MOB3B: variants seen among roughly 807,000 people sequenced by gnomAD.
The protein encoded by MOB3B is MOB kinase activator 3B, also known as MOB kinase activator-like 2B.
In MOB3B, 7 loss-of-function variants were observed where a neutral mutation model predicts 18.7. That is an observed-to-expected ratio of 0.37 (90% CI 0.21 to 0.70). The LOEUF (loss-of-function observed/expected upper bound fraction) is 0.70, where lower values mean the gene tolerates loss of function less well. MOB3B is among the 30% of genes least tolerant of loss of function. The pLI, the probability that MOB3B is intolerant of heterozygous loss-of-function variation, is 0.52. For synonymous variants in MOB3B, 111 were observed against 99.9 expected (o/e 1.11, Z -0.66); for missense variants, 253 against 281.3 (o/e 0.90, Z 0.72).
chr9:27,516,163 A>C (rs796490), intron 1 of MOB3B, among the ~76,000 whole-genome samples: 142,379 of 152,274 alleles, frequency 0.94, 67,109 homozygotes, highest in East Asian at 1. Flanking sequence ...AAGCATTATC[A>C]TGATGGCACT....
intron 1 of MOB3B, among the ~76,000 whole-genome samples, chr9:27,463,148 A>G (rs1030307974): frequency 6.6e-6 from 1 of 152,332 alleles, no homozygotes; most frequent in Middle Eastern, 3.4e-3. Flanking sequence ...TTTACTAGAG[A>G]GTCAGATTCT....
intron 2 of MOB3B, among the ~76,000 whole-genome samples, chr9:27,394,497 C>T (rs1821773806): frequency 1.3e-5 from 2 of 152,102 alleles, no homozygotes; most frequent in African/African-American, 4.8e-5. Flanking sequence ...AGAAGCAATC[C>T]CAAATGAGCT....
chr9:27,411,343 CTA>C (rs1822064499), intron 2 of MOB3B, among the ~76,000 whole-genome samples: 1 of 152,202 alleles, frequency 6.6e-6, no homozygotes, highest in African/African-American at 2.4e-5. Context: ...GAAGGAACAT[CTA>C]GCAGGTGAAT....
Position 27,326,207 on chromosome 9 carries a change from CAG to C in MOB3B, c.*4378_*4379del, listed in dbSNP as rs751241263. ...TGTTCACTGCTGGTCACAGCCATAA[CAG>C]AGAGTGATGTGGAGAGCTTTGGGAA... is the stretch of plus-strand genomic sequence containing the variant. On this transcript the variant is annotated 3_prime_UTR_variant, in exon 4 of 4. Transcript: ENST00000262244. The C allele has an allele frequency of 5.6e-6, 2 of 360,148 alleles. No homozygotes were observed. The highest frequency in any genetic ancestry group is 8.0e-5 in the East Asian group (2 of 24,876). 22.3% of individuals were successfully genotyped at this position (360,148 alleles called of 1,614,324 possible).
chr9:27,385,910 G>A (rs1381742366), intron 2 of MOB3B, among the ~76,000 whole-genome samples: 6 of 152,202 alleles, frequency 3.9e-5, no homozygotes, highest in African/African-American at 1.4e-4. Flanking sequence ...CTCAATGAAG[G>A]GTGCCTCCAG....
Position 27,326,607 on chromosome 9 carries a change from TG to T in MOB3B, c.*3979del, listed in dbSNP as rs1820715423. ...TAGATTTTTTCACCAAGGAAGTTACTGGCATGGTTTGAGAGATAGAAGGAAT... is the reference window on the plus strand; with the variant it reads ...TAGATTTTTTCACCAAGGAAGTTACTGCATGGTTTGAGAGATAGAAGGAAT... On this transcript the variant is annotated 3_prime_UTR_variant, in exon 4 of 4. Coordinates refer to ENST00000262244, the MANE Select transcript of MOB3B (RefSeq NM_024761.5). 1 of 398,406 alleles carries T rather than the reference TG, an allele frequency of 2.5e-6. No individual in the cohort carries two copies. Among genetic ancestry groups the T allele is most frequent in the Admixed American group, 4.4e-5 (1 of 22,712 alleles). 24.7% of individuals were successfully genotyped at this position (398,406 alleles called of 1,614,324 possible).
At chr9:27,510,949 G>T (rs1162668084) in intron 1 of MOB3B, among the ~76,000 whole-genome samples, 2 of 152,118 alleles carry the variant, frequency 1.3e-5, no homozygotes, top group Non-Finnish European at 2.9e-5. Context: ...ACAGAAGTCA[G>T]AAATGAATTC....
chr9:27,463,699 G>A (rs980856129), intron 1 of MOB3B, among the ~76,000 whole-genome samples: 6 of 151,902 alleles, frequency 3.9e-5, no homozygotes, highest in Non-Finnish European at 7.4e-5. Flanking sequence ...AGTGACTCAC[G>A]TCTGTAATCC....
chr9:27,337,657 G>A (rs1187047896), intron 3 of MOB3B, among the ~76,000 whole-genome samples: 7 of 152,224 alleles, frequency 4.6e-5, no homozygotes, highest in Non-Finnish European at 5.9e-5. Flanking sequence ...GCTGGCATCA[G>A]CAAGGGATTC....
intron 1 of MOB3B, among the ~76,000 whole-genome samples, chr9:27,459,876 CAAAAAAAAAAA>C (rs35792761): frequency 5.8e-5 from 5 of 86,742 alleles, no homozygotes; most frequent in Admixed American, 1.3e-4. Context: ...TTTCAGTCTC[CAAAAAAAAAAA>C]AAAAAAAAAA....
At chr9:27,448,112 G>T (rs756916229) in intron 2 of MOB3B, among the ~76,000 whole-genome samples, 1 of 152,138 alleles carries the variant, frequency 6.6e-6, no homozygotes, top group African/African-American at 2.4e-5. Context: ...TGACTCTGGG[G>T]TAAGAACACC....
Position 27,328,308 on chromosome 9 carries a change from A to C in MOB3B, c.*2279T>G, listed in dbSNP as rs2131325958. The C allele has an allele frequency of 6.6e-6, 1 of 152,210 alleles. No individual in the cohort carries two copies. The highest frequency in any genetic ancestry group is 1.9e-4 in the East Asian group (1 of 5,180). The allele number at this position is 152,210 out of a possible 1,614,324, so 9.4% of individuals were successfully genotyped here. On this transcript the variant is annotated 3_prime_UTR_variant, in exon 4 of 4. Coordinates refer to ENST00000262244, the MANE Select transcript of MOB3B (RefSeq NM_024761.5). ...CAGAGATGAACAGTTAGATGCAGTC[A>C]AGCAGAGGAGATAAAAATTGACTGC...
intron 1 of MOB3B, among the ~76,000 whole-genome samples, chr9:27,477,849 T>G (rs532427978): frequency 6.6e-6 from 1 of 152,344 alleles, no homozygotes; most frequent in South Asian, 2.1e-4. Flanking sequence ...AGGGCTGGGA[T>G]GCCCATTTGA....
At chr9:27,500,395 CAG>C (rs1433699041) in intron 1 of MOB3B, among the ~76,000 whole-genome samples, 1 of 152,128 alleles carries the variant, frequency 6.6e-6, no homozygotes. Flanking sequence ...GATACCAAAA[CAG>C]AGATATAGAC....
chr9:27,350,944 C>A lies in MOB3B; in HGVS notation c.621+8090G>T, dbSNP rs143255075. 7.6e-3 allele frequency among the ~76,000 whole-genome samples: 1,147 copies of A among 151,470 alleles called. 7 individuals carry two copies. The highest frequency in any genetic ancestry group is 0.031 in the South Asian group (146 of 4,756). On this transcript the variant is annotated intron_variant, in intron 3 of 3. Coordinates refer to ENST00000262244, the MANE Select transcript of MOB3B (RefSeq NM_024761.5). ...TAAGACGAAGTCTCGCTGTTGTGCCCCAGGCTGGAGTGTGATGGCACGATC... is the reference window on the plus strand; with the variant it reads ...TAAGACGAAGTCTCGCTGTTGTGCCACAGGCTGGAGTGTGATGGCACGATC...
chr9:27,436,334 C>T (rs1258934254), intron 2 of MOB3B, among the ~76,000 whole-genome samples: 2 of 152,212 alleles, frequency 1.3e-5, no homozygotes, highest in East Asian at 3.8e-4. Flanking sequence ...ACTATCTAGG[C>T]ACTGGGTTGC....
chr9:27,426,147 C>T (rs1372399269), intron 2 of MOB3B, among the ~76,000 whole-genome samples: 1 of 152,100 alleles, frequency 6.6e-6, no homozygotes, highest in Non-Finnish European at 1.5e-5. Context: ...CCTATGAGGA[C>T]ACAGAGACTT....
At position 27,328,423 on chromosome 9, in the gene MOB3B, C is replaced by T. The variant is rs918246794; in HGVS notation, c.*2164G>A. The T allele has an allele frequency of 6.6e-6, 1 of 151,010 alleles. No individual in the cohort carries two copies. The highest frequency in any genetic ancestry group is 6.6e-5 in the Admixed American group (1 of 15,172). The allele number at this position is 151,010 out of a possible 1,614,324, so 9.4% of individuals were successfully genotyped here. A position where few individuals can be genotyped will look rare whatever the true frequency, so the allele number is the denominator to read the frequency against. On this transcript the variant is annotated 3_prime_UTR_variant, in exon 4 of 4. Transcript: ENST00000262244. ...AAAAAGGGTAGTTTGCCAGAATTTACCCTAGAAGAGTTCATTAGTGCAATT... is the reference window on the plus strand; with the variant it reads ...AAAAAGGGTAGTTTGCCAGAATTTATCCTAGAAGAGTTCATTAGTGCAATT...
chr9:27,512,925 CA>C (rs1402756502), intron 1 of MOB3B, among the ~76,000 whole-genome samples: 7 of 152,104 alleles, frequency 4.6e-5, no homozygotes, highest in African/African-American at 1.7e-4. Flanking sequence ...GAAAGTACAT[CA>C]GGGTATACTC....
Sources: gnomAD v4.1 joint callset for allele counts (sites outside exome capture counted in the v4.1 genomes callset) on GRCh38, gnomAD v4.1.1 for gene constraint, MANE v1.5 for transcripts, NCBI Gene and HGNC (gene_info 2026-07-23, HGNC 2026-07-21) for gene names.